Variants in RALYL observed in about 807,000 individuals in gnomAD.
The protein encoded by RALYL is RNA-binding Raly-like protein.
Under a neutral mutation model 35.1 loss-of-function variants are expected in RALYL, and 29 were observed. The ratio of observed to expected loss-of-function variants is 0.83; its 90% CI spans 0.61 to 1.13. The LOEUF is 1.13. RALYL is among the 50% of genes most tolerant of loss of function. RALYL has a pLI of 0.00. For missense variants in RALYL, 359 were observed against 360.4 expected (o/e 1.00, Z 0.03); for synonymous variants, 120 against 127.6 (o/e 0.94, Z 0.40).
intron 2 of RALYL, chr8:84,679,515 T>C: frequency 2.9e-6 from 1 of 349,498 alleles, no homozygotes; most frequent in South Asian, 2.4e-5. Context: ...TATTAACTTT[T>C]ACAGAAATAT....
At chr8:84,780,847 C>T (rs1160821354) in intron 3 of RALYL, among the ~76,000 whole-genome samples, 1 of 151,920 alleles carries the variant, frequency 6.6e-6, no homozygotes, top group Admixed American at 6.6e-5. Flanking sequence ...GGAGGTTTTT[C>T]TTGTTTTTTG....
At chr8:84,768,170 C>CAA (rs931427226) in intron 2 of RALYL, among the ~76,000 whole-genome samples, 37 of 152,168 alleles carry the variant, frequency 2.4e-4, no homozygotes, top group Non-Finnish European at 5.0e-4. Flanking sequence ...AATCAGGGAA[C>CAA]AAAACCTCAG....
chr8:84,737,206 A>G (rs983424538), intron 2 of RALYL, among the ~76,000 whole-genome samples: 2 of 152,062 alleles, frequency 1.3e-5, no homozygotes, highest in African/African-American at 4.8e-5. Context: ...TTTAAAACTC[A>G]ATCACTGAAA....
At chr8:84,878,140 C>T (rs968828187) in intron 7 of RALYL, among the ~76,000 whole-genome samples, 1 of 152,100 alleles carries the variant, frequency 6.6e-6, no homozygotes, top group Non-Finnish European at 1.5e-5. Context: ...TTCCTATGTC[C>T]CAGCTATCCC....
At chr8:84,470,712 C>T (rs1205956247) in intron 1 of RALYL, among the ~76,000 whole-genome samples, 2 of 152,146 alleles carry the variant, frequency 1.3e-5, no homozygotes. Context: ...AGCAGTGTGT[C>T]AGCAGAATAC....
At chr8:84,849,851 G>T in intron 4 of RALYL, 129 bp from the exon 5 acceptor site, 1 of 536,916 alleles carries the variant, frequency 1.9e-6, no homozygotes, top group Non-Finnish European at 3.3e-6. Flanking sequence ...AAGGTCCTTT[G>T]GATGCATAAT....
chr8:84,518,674 T>C (rs962805840), intron 1 of RALYL, among the ~76,000 whole-genome samples: 11 of 152,154 alleles, frequency 7.2e-5, no homozygotes, highest in African/African-American at 2.7e-4. Flanking sequence ...CTTAGAAGAA[T>C]TCAAGAAATT....
chr8:84,471,074 G>A (rs142684086), intron 1 of RALYL, among the ~76,000 whole-genome samples: 1 of 152,236 alleles, frequency 6.6e-6, no homozygotes, highest in East Asian at 1.9e-4. Flanking sequence ...GTTACTTTGT[G>A]AAACTGGAAT....
chr8:84,532,053 A>G (rs180809500), intron 2 of RALYL, among the ~76,000 whole-genome samples: 21 of 152,176 alleles, frequency 1.4e-4, no homozygotes, highest in Admixed American at 1.3e-3. Context: ...CTAATCATCT[A>G]TAATCACACT....
chr8:84,852,694 G>A (rs1010541759), intron 5 of RALYL, among the ~76,000 whole-genome samples: 1 of 152,162 alleles, frequency 6.6e-6, no homozygotes, highest in South Asian at 2.1e-4. Flanking sequence ...TTACCGGAAA[G>A]GGGTCCCAAT....
intron 1 of RALYL, among the ~76,000 whole-genome samples, chr8:84,404,222 G>A (rs572352723): frequency 8.6e-5 from 13 of 151,960 alleles, no homozygotes; most frequent in East Asian, 3.9e-4. Flanking sequence ...AATAGGAGTC[G>A]TGAGAGAGGG....
At chr8:84,258,729 A>G (rs1323461306) in intron 1 of RALYL, among the ~76,000 whole-genome samples, 1 of 152,120 alleles carries the variant, frequency 6.6e-6, no homozygotes, top group Non-Finnish European at 1.5e-5. Context: ...TACCAGGGTG[A>G]TATTGGGTGC....
intron 4 of RALYL, among the ~76,000 whole-genome samples, chr8:84,844,467 C>T (rs1173379202): frequency 1.3e-5 from 2 of 152,160 alleles, no homozygotes; most frequent in African/African-American, 4.8e-5. Flanking sequence ...AGTCAGGAAA[C>T]AACAGGTGCT....
At chr8:84,383,737 AG>A (rs1858518363) in intron 1 of RALYL, among the ~76,000 whole-genome samples, 1 of 151,236 alleles carries the variant, frequency 6.6e-6, no homozygotes, top group Admixed American at 6.6e-5. Context: ...CAGCTGTGAA[AG>A]GAAGAAAAAA....
chr8:84,787,663 C>G (rs1374807182), intron 3 of RALYL, among the ~76,000 whole-genome samples: 2 of 152,166 alleles, frequency 1.3e-5, no homozygotes, highest in Non-Finnish European at 2.9e-5. Flanking sequence ...TTCTATTTCT[C>G]CACATCCTCT....
At chr8:84,608,037 A>T (rs1397854403) in intron 2 of RALYL, among the ~76,000 whole-genome samples, 1 of 151,618 alleles carries the variant, frequency 6.6e-6, no homozygotes, top group African/African-American at 2.4e-5. Context: ...TCAATTTTGT[A>T]TATATCTTGT....
intron 6 of RALYL, among the ~76,000 whole-genome samples, chr8:84,867,795 TAATC>T (rs1839441866): frequency 6.6e-6 from 1 of 152,226 alleles, no homozygotes. Flanking sequence ...CAAGTTCAAT[TAATC>T]AGCACCTAAC....
chr8:84,516,037 TG>T (rs2058038901), intron 1 of RALYL, among the ~76,000 whole-genome samples: 1 of 58,900 alleles, frequency 1.7e-5, no homozygotes, highest in Admixed American at 2.0e-4. Context: ...CGGTGTGGGG[TG>T]GGGCTGAGAG....
intron 2 of RALYL, among the ~76,000 whole-genome samples, chr8:84,634,540 T>C (rs1449548248): frequency 6.6e-6 from 1 of 151,904 alleles, no homozygotes; most frequent in Admixed American, 6.6e-5. Flanking sequence ...TATTTTGCAT[T>C]ATCCATAGCT....
Sources: gnomAD v4.1 joint callset for allele counts (sites outside exome capture counted in the v4.1 genomes callset) on GRCh38, gnomAD v4.1.1 for gene constraint, MANE v1.5 for transcripts, NCBI Gene and HGNC (gene_info 2026-07-23, HGNC 2026-07-21) for gene names.